Variants in KCND2 observed in about 807,000 individuals in gnomAD.
The protein encoded by KCND2 is potassium voltage-gated channel subfamily D member 2.
KCND2 carries 16 observed loss-of-function variants against 54.4 expected under a neutral mutation model. The observed-to-expected ratio is 0.29, with a 90% confidence interval of 0.20 to 0.45. The LOEUF is 0.45. Ranked by LOEUF, KCND2 falls within the 20% of genes least tolerant of loss-of-function variation. The pLI, the probability that KCND2 is intolerant of heterozygous loss-of-function variation, is 1.00. For synonymous variants in KCND2, 317 were observed against 310.7 expected, an observed-to-expected ratio of 1.02 and a Z score of -0.21; for missense variants, 486 against 824.2, an observed-to-expected ratio of 0.59 and a Z score of 5.02.
intron 1 of KCND2, among the ~76,000 whole-genome samples, chr7:120,292,458 G>T (rs943136207): frequency 6.6e-6 from 1 of 151,676 alleles, no homozygotes; most frequent in African/African-American, 2.4e-5. Flanking sequence ...TCTTCAAGTG[G>T]GTAGTTCTTT....
chr7:120,312,235 T>C (rs1799745275), intron 1 of KCND2, among the ~76,000 whole-genome samples: 1 of 152,008 alleles, frequency 6.6e-6, no homozygotes, highest in Non-Finnish European at 1.5e-5. Context: ...AATGACCGCG[T>C]AGTATTCCAT....
Position 120,274,241 on chromosome 7 carries a change from C to T in KCND2, c.-392C>T, listed in dbSNP as rs1584705881. On this transcript the variant is annotated 5_prime_UTR_variant, in exon 1 of 6. Transcript: ENST00000331113. ...GTGACTCTCGTTCGTCTTCTCTATC[C>T]TACACTCCACATACTGACCCTATAT... 2 of 291,918 alleles carry T rather than the reference C, an allele frequency of 6.9e-6. No individual in the cohort carries two copies. The highest frequency in any genetic ancestry group is 8.2e-5 in the East Asian group (1 of 12,220). The allele number at this position is 291,918 out of a possible 1,614,324, so 18.1% of individuals were successfully genotyped here.
At chr7:120,682,335 A>C (rs1792149866) in intron 1 of KCND2, among the ~76,000 whole-genome samples, 1 of 152,108 alleles carries the variant, frequency 6.6e-6, no homozygotes. Context: ...ATTTAAAATA[A>C]AAATAAGTAG....
chr7:120,454,236 T>C (rs1355081150), intron 1 of KCND2, among the ~76,000 whole-genome samples: 1 of 151,738 alleles, frequency 6.6e-6, no homozygotes, highest in Non-Finnish European at 1.5e-5. Flanking sequence ...AATTGAGACA[T>C]AAAAATCCAT....
At chr7:120,453,837 A>G (rs2116223517) in intron 1 of KCND2, among the ~76,000 whole-genome samples, 1 of 152,372 alleles carries the variant, frequency 6.6e-6, no homozygotes, top group African/African-American at 2.4e-5. Context: ...CTGTAATCCC[A>G]GCACTTTGGG....
chr7:120,341,990 C>A (rs568127881), intron 1 of KCND2, among the ~76,000 whole-genome samples: 1 of 152,070 alleles, frequency 6.6e-6, no homozygotes, highest in African/African-American at 2.4e-5. Flanking sequence ...GTGATCCCAT[C>A]TCATGTGATT....
intron 1 of KCND2, among the ~76,000 whole-genome samples, chr7:120,322,242 G>C (rs1010791681): frequency 6.6e-6 from 1 of 152,000 alleles, no homozygotes; most frequent in Non-Finnish European, 1.5e-5. Flanking sequence ...ACTTTTCTAT[G>C]TCAAATATAA....
chr7:120,631,063 CCTA>C (rs1793227966), intron 1 of KCND2, among the ~76,000 whole-genome samples: 1 of 152,106 alleles, frequency 6.6e-6, no homozygotes, highest in Admixed American at 6.5e-5. Context: ...GAAATGAACA[CCTA>C]CTATCTTAAG....
chr7:120,708,578 C>T (rs1399686769), intron 1 of KCND2, among the ~76,000 whole-genome samples: 1 of 151,956 alleles, frequency 6.6e-6, no homozygotes, highest in East Asian at 1.9e-4. Flanking sequence ...TTACTATTTC[C>T]AGGACCACAT....
chr7:120,399,706 T>C (rs1335554352), intron 1 of KCND2, among the ~76,000 whole-genome samples: 1 of 97,662 alleles, frequency 1.0e-5, no homozygotes, highest in Non-Finnish European at 2.2e-5. Flanking sequence ...TTTACCTTAT[T>C]TATTTATTTA....
intron 1 of KCND2, among the ~76,000 whole-genome samples, chr7:120,320,966 A>G (rs918651749): frequency 1.4e-4 from 22 of 152,180 alleles, no homozygotes. Flanking sequence ...AGAATTTTTC[A>G]GTGGGCTTTT....
intron 1 of KCND2, among the ~76,000 whole-genome samples, chr7:120,291,640 G>A (rs1799437031): frequency 6.6e-6 from 1 of 151,756 alleles, no homozygotes; most frequent in African/African-American, 2.4e-5. Flanking sequence ...AAGATATAAG[G>A]GATTAAGTTA....
intron 1 of KCND2, among the ~76,000 whole-genome samples, chr7:120,416,265 A>T (rs1350587130): frequency 6.6e-6 from 1 of 152,136 alleles, no homozygotes; most frequent in Non-Finnish European, 1.5e-5. Flanking sequence ...TTGGCCTTTA[A>T]TCAGCTGTTT....
chr7:120,403,657 A>G (rs1459702022), intron 1 of KCND2, among the ~76,000 whole-genome samples: 2 of 151,814 alleles, frequency 1.3e-5, no homozygotes, highest in Admixed American at 6.6e-5. Context: ...AAGACTTATA[A>G]TTGAAAACAA....
chr7:120,611,654 T>A (rs967609860), intron 1 of KCND2, among the ~76,000 whole-genome samples: 1 of 152,120 alleles, frequency 6.6e-6, no homozygotes, highest in Non-Finnish European at 1.5e-5. Context: ...ACCTAAGAGA[T>A]ACCAATATAA....
intron 1 of KCND2, among the ~76,000 whole-genome samples, chr7:120,505,865 A>G (rs1803008120): frequency 6.6e-6 from 1 of 151,862 alleles, no homozygotes; most frequent in Non-Finnish European, 1.5e-5. Context: ...AGTTGTTCTT[A>G]TAACATACAA....
At chr7:120,550,442 A>G (rs1792092064) in intron 1 of KCND2, among the ~76,000 whole-genome samples, 1 of 152,132 alleles carries the variant, frequency 6.6e-6, no homozygotes, top group South Asian at 2.1e-4. Context: ...TTTTGCTTTA[A>G]ATAAGGAGAC....
intron 1 of KCND2, among the ~76,000 whole-genome samples, chr7:120,702,660 G>T (rs1792418147): frequency 6.6e-6 from 1 of 152,120 alleles, no homozygotes; most frequent in South Asian, 2.1e-4. Context: ...TGGAGCTGGA[G>T]GTCATTATCC....
chr7:120,275,785 A>G, intron 1 of KCND2, 38 bp downstream of exon 1: 1 of 1,596,486 alleles, frequency 6.3e-7, no homozygotes, highest in East Asian at 2.2e-5. Context: ...GAGGTTGGGT[A>G]TGGGTGAGGC....
Sources: allele counts gnomAD v4.1 joint callset (sites outside exome capture counted in the v4.1 genomes callset), GRCh38; gene constraint gnomAD v4.1.1; transcripts MANE v1.5; gene names NCBI Gene and HGNC (gene_info 2026-07-23, HGNC 2026-07-21).